The following NAA38 variants were observed in gnomAD, a reference collection of about 807,000 sequenced individuals.
The protein encoded by NAA38 is N-alpha-acetyltransferase 38, NatC auxiliary subunit, also known as LSM domain containing 1.
In NAA38, 15 loss-of-function variants were observed where a neutral mutation model predicts 12.6. The observed-to-expected ratio is 1.19, with a 90% CI of 0.79 to 1.83. The LOEUF (loss-of-function observed/expected upper bound fraction) is 1.83, where lower values mean the gene tolerates loss of function less well. Among genes scored for constraint, NAA38 ranks in the 40% most tolerant of loss-of-function variants. The pLI is 0.00. For missense variants in NAA38, 183 were observed against 171.7 expected (o/e 1.07, Z -0.37); for synonymous variants, 88 against 69.9 (o/e 1.26, Z -1.29).
upstream of NAA38, chr17:7,859,508 G>A: frequency 6.2e-7 from 1 of 1,614,180 alleles, no homozygotes; most frequent in Non-Finnish European, 8.5e-7. Flanking sequence ...GGAAGAGAAT[G>A]GGATCCGGGA....
chr17:7,873,457 G>A (rs1056803215), intron 2 of NAA38, among the ~76,000 whole-genome samples: 1 of 152,220 alleles, frequency 6.6e-6, no homozygotes, highest in Non-Finnish European at 1.5e-5. Flanking sequence ...GAGTAGGGAA[G>A]TAGACACTGA....
intron 2 of NAA38, among the ~76,000 whole-genome samples, chr17:7,881,210 T>C (rs1466853640): frequency 3.3e-5 from 5 of 152,156 alleles, no homozygotes; most frequent in Non-Finnish European, 7.4e-5. Context: ...CTTTTCACAG[T>C]ACACTTTCTG....
intron 1 of NAA38, among the ~76,000 whole-genome samples, chr17:7,884,217 G>A (rs1011896199): frequency 6.6e-6 from 1 of 151,018 alleles, no homozygotes; most frequent in Non-Finnish European, 1.5e-5. Flanking sequence ...GAGAATGGGG[G>A]GGTGAAAAAT....
At chr17:7,870,779 C>G (rs545198079) in intron 2 of NAA38, among the ~76,000 whole-genome samples, 1 of 151,090 alleles carries the variant, frequency 6.6e-6, no homozygotes, top group Admixed American at 6.6e-5. Flanking sequence ...CCCAGCTACT[C>G]GGGAGGCTGA....
At chr17:7,860,854 G>A (rs2078877906), upstream of NAA38, 1 of 152,260 alleles carries the variant, frequency 6.6e-6, no homozygotes, top group African/African-American at 2.4e-5. Flanking sequence ...GACCTTTTGG[G>A]GCAAAGAGGT....
chr17:7,867,084 G>C (rs956049124), intron 2 of NAA38, among the ~76,000 whole-genome samples: 4 of 152,142 alleles, frequency 2.6e-5, no homozygotes, highest in Non-Finnish European at 5.9e-5. Context: ...GGAGAGAATG[G>C]TTCCTGCACA....
chr17:7,883,516 A>G (rs1045726204), intron 1 of NAA38, among the ~76,000 whole-genome samples: 1 of 152,210 alleles, frequency 6.6e-6, no homozygotes, highest in Non-Finnish European at 1.5e-5. Context: ...TAAAATTTAT[A>G]ACAATTATAA....
In NAA38 at chr17:7,856,706, G is replaced by A; in HGVS notation, c.*25C>T. On this transcript the variant is annotated 3_prime_UTR_variant, in exon 3 of 3. Coordinates refer to ENST00000575771, the MANE Select transcript of NAA38 (RefSeq NM_001320925.4). The stretch of plus-strand genomic sequence containing the variant: ...CCCATTCGGTCATAAGTTTAATGAA[G>A]TCTGAAAGGTAAGCGCCATCGTGGT... 1.3e-6 allele frequency: 2 copies of A among 1,582,880 alleles called. No homozygotes were observed. Among genetic ancestry groups the A allele is most frequent in the Middle Eastern group, 1.7e-4 (1 of 6,000 alleles).
At chr17:7,859,562 C>G, upstream of NAA38, 1 of 1,614,164 alleles carries the variant, frequency 6.2e-7, no homozygotes, top group Non-Finnish European at 8.5e-7. Context: ...CGGTACACTT[C>G]ACACACCTGC....
At chr17:7,858,693 T>C (rs1226076071), upstream of NAA38, 1 of 1,611,288 alleles carries the variant, frequency 6.2e-7, no homozygotes, top group South Asian at 1.1e-5. Flanking sequence ...TCAGCTGCCC[T>C]GTTCGGACTG....
At chr17:7,858,245 T>C (rs143510456), upstream of NAA38, 67 of 1,614,038 alleles carry the variant, frequency 4.2e-5, no homozygotes, top group African/African-American at 7.2e-4. Context: ...TCTGGGTATC[T>C]TACCTGGGAC....
upstream of NAA38, chr17:7,859,564 C>T: frequency 1.2e-6 from 2 of 1,614,178 alleles, no homozygotes; most frequent in Non-Finnish European, 8.5e-7. Context: ...GTACACTTCA[C>T]ACACCTGCAA....
upstream of NAA38, chr17:7,858,109 A>C (rs1203495698): frequency 1.2e-6 from 2 of 1,612,332 alleles, no homozygotes; most frequent in Non-Finnish European, 1.7e-6. Context: ...TAACCAAGAG[A>C]TCCAGTGACC....
At chr17:7,870,710 G>A (rs970507222) in intron 2 of NAA38, among the ~76,000 whole-genome samples, 2 of 151,354 alleles carry the variant, frequency 1.3e-5, no homozygotes, top group African/African-American at 2.4e-5. Context: ...GGTGAAACCC[G>A]GTCTCTACTA....
intron 2 of NAA38, among the ~76,000 whole-genome samples, chr17:7,869,519 T>C (rs571807182): frequency 1.3e-4 from 20 of 152,308 alleles, no homozygotes; most frequent in Admixed American, 5.2e-4. Flanking sequence ...CCCAGCACTT[T>C]CGGAGGCCGA....
chr17:7,878,529 C>A (rs1967214848), intron 2 of NAA38, among the ~76,000 whole-genome samples: 1 of 152,108 alleles, frequency 6.6e-6, no homozygotes, highest in African/African-American at 2.4e-5. Context: ...CGAGACCAGC[C>A]TGGCCAACAT....
chr17:7,858,365 G>C, upstream of NAA38: 1 of 1,614,106 alleles, frequency 6.2e-7, no homozygotes, highest in Non-Finnish European at 8.5e-7. Context: ...GGTTCTCGAA[G>C]GGCTGGCATT....
At chr17:7,885,350 C>T, upstream of NAA38, 1 of 172,748 alleles carries the variant, frequency 5.8e-6, no homozygotes, top group South Asian at 1.7e-4. Context: ...GCCGCCACCC[C>T]GGCTGGAGAG....
chr17:7,867,817 G>A (rs139671994), intron 2 of NAA38, among the ~76,000 whole-genome samples: 1,761 of 152,224 alleles, frequency 0.012, 14 homozygotes, highest in Non-Finnish European at 0.018. Flanking sequence ...AGTGGAGATC[G>A]GAGATGAAAT....
Sources: allele counts gnomAD v4.1 joint callset (sites outside exome capture counted in the v4.1 genomes callset), GRCh38; gene constraint gnomAD v4.1.1; transcripts MANE v1.5; gene names NCBI Gene and HGNC (gene_info 2026-07-23, HGNC 2026-07-21).